Variants in TOPAZ1 observed in about 807,000 individuals in gnomAD.
The protein encoded by TOPAZ1 is testis and ovary specific TOPAZ 1, also known as protein TOPAZ1.
In TOPAZ1, 66 loss-of-function variants were observed where a neutral mutation model predicts 172.2. The observed-to-expected ratio is 0.38, with a 90% CI of 0.31 to 0.47. The LOEUF is 0.47. Among genes scored for constraint, TOPAZ1 ranks in the 20% least tolerant of loss-of-function variants. The probability of loss-of-function intolerance (pLI) is 0.99; values close to 1 mark genes in which losing one functional copy is unlikely to be tolerated. For missense variants in TOPAZ1, 1,822 were observed against 1,972.4 expected (o/e 0.92, Z 1.44); for synonymous variants, 681 against 683.9 (o/e 1.00, Z 0.07).
chr3:44,241,959 G>A lies in TOPAZ1; in HGVS notation c.-95G>A, dbSNP rs774619341. On this transcript the variant is annotated 5_prime_UTR_variant, in exon 1 of 20. Coordinates refer to ENST00000309765, the MANE Select transcript of TOPAZ1 (RefSeq NM_001145030.2). ...ACTGGCGGTGTGGGGTGGGTCAGAGGGCAGTAGGTACCTCCAGGCGGGAGC... is the reference window on the plus strand; with the variant it reads ...ACTGGCGGTGTGGGGTGGGTCAGAGAGCAGTAGGTACCTCCAGGCGGGAGC... 3.3e-6 allele frequency: 4 copies of A among 1,194,888 alleles called. No individual in the cohort carries two copies. Among genetic ancestry groups the A allele is most frequent in the African/African-American group, 1.6e-5 (1 of 64,292 alleles). The allele number at this position is 1,194,888 out of a possible 1,614,324, so 74.0% of individuals were successfully genotyped here.
rs1575703069 is a variant in TOPAZ1, at chr3:44,244,948, T to A, written c.2442T>A (p.Tyr814Ter). The change falls in exon 2 of 20, where the codon TAT becomes TAA. Residue 814 changes from tyrosine to a stop codon, truncating the protein, a stop_gained. Coordinates refer to ENST00000309765, the MANE Select transcript of TOPAZ1 (RefSeq NM_001145030.2). LOFTEE classifies it high-confidence loss of function. ...ENNAFSCDPG[Y>*]VEKSPSFCCN... ...ATGCTTTTTCTTGTGATCCTGGGTA[T>A]GTAGAGAAAAGTCCTTCCTTCTGCT... 3 of 1,551,740 alleles carry A rather than the reference T, an allele frequency of 1.9e-6. No individual in the cohort carries two copies. The highest frequency in any genetic ancestry group is 1.7e-6 in the Non-Finnish European group (2 of 1,146,990).
chr3:44,315,105 GTGGA>G lies in TOPAZ1; in HGVS notation c.4306+5146_4306+5149del, dbSNP rs34398632. Among the ~76,000 whole-genome samples the G allele has an allele frequency of 6.5e-3, 972 of 149,996 alleles. 7 individuals are homozygous for G. The highest frequency in any genetic ancestry group is 0.019 in the African/African-American group (776 of 40,798). ...AAATATTTAGTAAATATTAGTTGAG[GTGGA>G]TGGATGGATGGATGGATGGATGGAT... On this transcript the variant is annotated intron_variant, in intron 16 of 19. Coordinates refer to ENST00000309765, the MANE Select transcript of TOPAZ1 (RefSeq NM_001145030.2).
chr3:44,298,327 G>T (rs866845113), intron 12 of TOPAZ1, among the ~76,000 whole-genome samples: 1 of 152,056 alleles, frequency 6.6e-6, no homozygotes, highest in Non-Finnish European at 1.5e-5. Context: ...ATGATGTCAC[G>T]CACCTGTAGT....
intron 3 of TOPAZ1, 101 bp from the exon 4 acceptor site, chr3:44,256,050 A>T (rs1296281663): frequency 1.2e-6 from 1 of 857,588 alleles, no homozygotes; most frequent in Non-Finnish European, 1.7e-6. Flanking sequence ...ATTAGACCTT[A>T]AAAGAGCCTC....
chr3:44,311,620 A>G (rs767719535), intron 16 of TOPAZ1, among the ~76,000 whole-genome samples: 8 of 152,102 alleles, frequency 5.3e-5, no homozygotes, highest in Non-Finnish European at 1.2e-4. Flanking sequence ...TTGCAGTGAC[A>G]GTTTCAACTA....
chr3:44,251,704 A>G (rs1699633711), intron 2 of TOPAZ1, among the ~76,000 whole-genome samples: 1 of 152,206 alleles, frequency 6.6e-6, no homozygotes, highest in Non-Finnish European at 1.5e-5. Context: ...GTGCTCTGGT[A>G]GAGAATAAGC....
intron 12 of TOPAZ1, among the ~76,000 whole-genome samples, chr3:44,292,115 G>T (rs1288938104): frequency 6.6e-6 from 1 of 152,186 alleles, no homozygotes; most frequent in Non-Finnish European, 1.5e-5. Flanking sequence ...ACAGTTAAAA[G>T]AATTGCAGCT....
intron 16 of TOPAZ1, among the ~76,000 whole-genome samples, chr3:44,312,630 A>G (rs1230214796): frequency 2.0e-5 from 3 of 152,172 alleles, no homozygotes; most frequent in Admixed American, 2.0e-4. Flanking sequence ...ACTCTTTCTC[A>G]TACTAGTGCT....
At chr3:44,328,094 C>G (rs1261743774) in intron 18 of TOPAZ1, among the ~76,000 whole-genome samples, 156 bp from the exon 19 acceptor site, 3 of 152,088 alleles carry the variant, frequency 2.0e-5, no homozygotes, top group Non-Finnish European at 4.4e-5. Context: ...AGAATAATGC[C>G]AAATATACTA....
At chr3:44,253,670 A>G (rs1032478491) in intron 2 of TOPAZ1, among the ~76,000 whole-genome samples, 12 of 152,350 alleles carry the variant, frequency 7.9e-5, no homozygotes, top group African/African-American at 2.9e-4. Context: ...GGTTAGAGAA[A>G]GATGTGCATT....
At chr3:44,269,382 C>A in intron 7 of TOPAZ1, 81 bp downstream of exon 7, 2 of 747,560 alleles carry the variant, frequency 2.7e-6, no homozygotes, top group Non-Finnish European at 4.6e-6. Context: ...CTCTTCCTCA[C>A]TTTCCTCCAC....
At chr3:44,298,888 A>ATTTTT (rs1319574044) in intron 12 of TOPAZ1, among the ~76,000 whole-genome samples, 4 of 33,220 alleles carry the variant, frequency 1.2e-4, no homozygotes, top group Admixed American at 5.6e-4. Context: ...TTATGTATAT[A>ATTTTT]TATTATATAT....
intron 8 of TOPAZ1, among the ~76,000 whole-genome samples, chr3:44,274,183 G>T (rs137974309): frequency 1.7e-4 from 26 of 151,408 alleles, no homozygotes; most frequent in African/African-American, 6.1e-4. Context: ...GGTGAGGCAG[G>T]CAGATCATTT....
At chr3:44,296,513 A>T (rs1432000659) in intron 12 of TOPAZ1, among the ~76,000 whole-genome samples, 1 of 152,100 alleles carries the variant, frequency 6.6e-6, no homozygotes, top group African/African-American at 2.4e-5. Context: ...TAAAGCGATC[A>T]TAAGGGATTG....
intron 8 of TOPAZ1, among the ~76,000 whole-genome samples, chr3:44,277,859 GC>G (rs1168128817): frequency 6.6e-6 from 1 of 152,106 alleles, no homozygotes; most frequent in Non-Finnish European, 1.5e-5. Context: ...TTCACCTTCT[GC>G]CATGATTGTA....
chr3:44,285,160 C>A (rs1700064430), intron 9 of TOPAZ1, among the ~76,000 whole-genome samples: 1 of 152,058 alleles, frequency 6.6e-6, no homozygotes, highest in Non-Finnish European at 1.5e-5. Context: ...GAATTGACAA[C>A]CCTTTTTAAA....
At chr3:44,314,057 TGA>T (rs1193452424) in intron 16 of TOPAZ1, among the ~76,000 whole-genome samples, 21 of 152,192 alleles carry the variant, frequency 1.4e-4, no homozygotes. Flanking sequence ...TTATTTTTTT[TGA>T]GACGGAGTCT....
intron 6 of TOPAZ1, among the ~76,000 whole-genome samples, chr3:44,268,742 C>T (rs905446959): frequency 1.3e-5 from 2 of 152,074 alleles, no homozygotes; most frequent in Admixed American, 1.3e-4. Flanking sequence ...TCTTTGACCT[C>T]ATTTAACCTG....
At chr3:44,294,652 C>T (rs1372724879) in intron 12 of TOPAZ1, among the ~76,000 whole-genome samples, 1 of 152,082 alleles carries the variant, frequency 6.6e-6, no homozygotes, top group Non-Finnish European at 1.5e-5. Flanking sequence ...CAGGCACGTG[C>T]CATTGTGCCC....
Sources: allele counts gnomAD v4.1 joint callset (sites outside exome capture counted in the v4.1 genomes callset), GRCh38; gene constraint gnomAD v4.1.1; transcripts MANE v1.5; gene names NCBI Gene and HGNC (gene_info 2026-07-23, HGNC 2026-07-21).